The following SH3PXD2B variants were observed in gnomAD, a reference collection of about 807,000 sequenced individuals.
SH3PXD2B encodes SH3 and PX domain-containing protein 2B.
SH3PXD2B carries 37 observed loss-of-function variants against 73.1 expected under a neutral mutation model. That is an observed-to-expected ratio of 0.51 (90% CI 0.39 to 0.67). SH3PXD2B has a LOEUF of 0.67. SH3PXD2B is among the 30% of genes least tolerant of loss of function. SH3PXD2B has a pLI of 0.00. For synonymous variants in SH3PXD2B, 457 were observed against 480.5 expected (o/e 0.95, Z 0.64); for missense variants, 1,053 against 1,197.8 (o/e 0.88, Z 1.78).
chr5:172,430,857 GTTCT>G (rs1337103611), intron 1 of SH3PXD2B, among the ~76,000 whole-genome samples: 147 of 139,704 alleles, frequency 1.1e-3, no homozygotes, highest in Admixed American at 8.6e-4. Flanking sequence ...GTAACCACCT[GTTCT>G]TTCTTTCTTT....
At chr5:172,386,385 A>G (rs1758060911) in intron 4 of SH3PXD2B, among the ~76,000 whole-genome samples, 1 of 152,142 alleles carries the variant, frequency 6.6e-6, no homozygotes, top group Admixed American at 6.5e-5. Context: ...GTTAAATGAC[A>G]ATATCTTGGC....
rs1273207891 is a variant in SH3PXD2B, at chr5:172,333,857, T to C, written c.*4512A>G. 7.8e-7 allele frequency: 1 copy of C among 1,283,936 alleles called. No individual in the cohort carries two copies. The highest frequency in any genetic ancestry group is 1.0e-6 in the Non-Finnish European group (1 of 987,578). The allele number at this position is 1,283,936 out of a possible 1,614,324, so 79.5% of individuals were successfully genotyped here. On this transcript the variant is annotated 3_prime_UTR_variant, in exon 13 of 13. Transcript: ENST00000311601. Reference sequence around the variant, plus strand: ...TAATCAAGGTGGCCACAGTTTATCATCACCCCTCTAAGTGAAAGGGGCGCT... The same window carrying C: ...TAATCAAGGTGGCCACAGTTTATCACCACCCCTCTAAGTGAAAGGGGCGCT...
chr5:172,333,506 T>C lies in SH3PXD2B; in HGVS notation c.*4863A>G. ...ATCCATAGACACTGCATCTTCATGATGAAGCTTGAAACCAGTCAAGCACTT... is the reference window on the plus strand; with the variant it reads ...ATCCATAGACACTGCATCTTCATGACGAAGCTTGAAACCAGTCAAGCACTT... On this transcript the variant is annotated 3_prime_UTR_variant, in exon 13 of 13. Coordinates refer to ENST00000311601, the MANE Select transcript of SH3PXD2B (RefSeq NM_001017995.3). The C allele has an allele frequency of 3.4e-6, 4 of 1,169,424 alleles. No homozygotes were observed. Among genetic ancestry groups the C allele is most frequent in the Non-Finnish European group, 4.3e-6 (4 of 937,484 alleles). The allele number at this position is 1,169,424 out of a possible 1,614,324, so 72.4% of individuals were successfully genotyped here.
At chr5:172,416,683 TCTC>T (rs1758829497) in intron 2 of SH3PXD2B, among the ~76,000 whole-genome samples, 1 of 105,544 alleles carries the variant, frequency 9.5e-6, no homozygotes, top group Non-Finnish European at 1.8e-5. Flanking sequence ...TGTGAGTCTC[TCTC>T]TCTCTCTCTC....
rs748349654 is a variant in SH3PXD2B at position 172,338,826 on chromosome 5, C to T, written c.2279G>A (p.Arg760His). 36 of 1,613,800 alleles carry T rather than the reference C, an allele frequency of 2.2e-5. No individual in the cohort carries two copies. Among genetic ancestry groups the T allele is most frequent in the African/African-American group, 9.3e-5 (7 of 74,916 alleles). Residue 760 changes from arginine to histidine, a missense_variant, in exon 13 of 13, where the codon CGC becomes CAC. Around this residue, in one of 2 missense-constraint regions of SH3PXD2B, gnomAD observed 587 missense variants for 590.7 expected, o/e 0.99. Coordinates refer to ENST00000311601, the MANE Select transcript of SH3PXD2B (RefSeq NM_001017995.3). The surrounding 1 kb of genome is among the most constrained non-coding windows in gnomAD (Gnocchi z 5.1). ...GGTTTTCTTTGGGGGAGGTGGTCTG[C>T]GGGGTGGGACCACAGGTCTCTGCTG... ...APQQRPVVPP[R>H]RPPPPKKTSS...
rs370525113 is a variant in SH3PXD2B, at chr5:172,338,981, G to T, written c.2124C>A (p.Arg708=). ...RSFLPGEGPG[R]AQDRTGKQDG... ...CCTGTTTGCCCGTCCTGTCCTGGGC[G>T]CGGCCAGGCCCCTCTCCTGGGAGGA... Residue 708 remains arginine, a synonymous_variant, in exon 13 of 13, where the codon CGC becomes CGA. Coordinates refer to ENST00000311601, the MANE Select transcript of SH3PXD2B (RefSeq NM_001017995.3). This position sits in a 1 kb window ranked among gnomAD's most constrained non-coding sequence, Gnocchi z 5.1. 1.9e-6 allele frequency: 3 copies of T among 1,614,050 alleles called. No individual in the cohort carries two copies. In the African/African-American group the frequency reaches 4.0e-5, roughly 22 times the overall value.
At chr5:172,348,819 G>A (rs1320731552) in intron 10 of SH3PXD2B, among the ~76,000 whole-genome samples, 18 of 151,912 alleles carry the variant, frequency 1.2e-4, no homozygotes, top group Admixed American at 1.2e-3. Flanking sequence ...TGATCCTCCC[G>A]CCTCAGCCAC....
rs377397105 is a variant in SH3PXD2B at position 172,448,742 on chromosome 5, T to A, written c.75+5536A>T. 3.9e-5 allele frequency among the ~76,000 whole-genome samples: 6 copies of A among 152,356 alleles called. No individual in the cohort carries two copies. The South Asian group carries it at 1.0e-3, about 26-fold the overall frequency. On this transcript the variant is annotated intron_variant, in intron 1 of 12. Transcript: ENST00000311601. ...GAAGTCACTGCACCTATTTTACAAA[T>A]GTAAAAACTAAGGGGGGGCATTCGG...
At chr5:172,420,707 C>T (rs73804835) in intron 2 of SH3PXD2B, among the ~76,000 whole-genome samples, 2,446 of 152,296 alleles carry the variant, frequency 0.016, 60 homozygotes, top group African/African-American at 0.056. Context: ...CCATTGGCTG[C>T]GACATTTCTC....
intron 4 of SH3PXD2B, among the ~76,000 whole-genome samples, chr5:172,390,991 G>A (rs1278473415): frequency 6.6e-6 from 1 of 152,158 alleles, no homozygotes; most frequent in African/African-American, 2.4e-5. Context: ...ACAGGCATGC[G>A]CCACCTCGCC....
At position 172,346,138 on chromosome 5, in the gene SH3PXD2B, C is replaced by T. The variant is rs369123624; in HGVS notation, c.1186G>A (p.Glu396Lys). 9 of 1,613,934 alleles carry T rather than the reference C, an allele frequency of 5.6e-6. No homozygotes were observed. Among genetic ancestry groups the T allele is most frequent in the Admixed American group, 5.0e-5 (3 of 60,002 alleles). ...AAAGGAACACCAGGGCCACTCACCT[C>T]GACCTTCAGGCCTGCCTGGAAGCTG... ...GISFQAGLKV[E>K]VIEKNLSGWW... Residue 396 changes from glutamate to lysine, a missense_variant and splice_region_variant, in exon 12 of 13, where the codon GAG becomes AAG. By Grantham distance (56) the Glu-to-Lys change is moderately conservative. Transcript: ENST00000311601.
intron 2 of SH3PXD2B, among the ~76,000 whole-genome samples, chr5:172,412,910 G>A (rs1758734627): frequency 6.6e-6 from 1 of 152,196 alleles, no homozygotes; most frequent in Non-Finnish European, 1.5e-5. Flanking sequence ...GGGAGAAGGA[G>A]TCACATCAAG....
Position 172,339,898 on chromosome 5 carries a change from T to C in SH3PXD2B, c.1207A>G (p.Ser403Gly), listed in dbSNP as rs866340183. ...TCAATCTGAATGTACCACCAGCCAC[T>C]CAAGTTTTTCTCGATCACCTGCAAG... Reference protein sequence around the residue: ...LKVEVIEKNLSGWWYIQIEDK... With the variant: ...LKVEVIEKNLGGWWYIQIEDK... The change falls in exon 13 of 13, where the codon AGT (serine) becomes GGT (glycine). Residue 403 changes from serine (S) to glycine (G), a missense_variant. By Grantham distance (56) the Ser-to-Gly change is moderately conservative (BLOSUM62 0). This residue lies in a region of SH3PXD2B where 466 missense variants were observed against 607.1 expected (regional missense o/e 0.77). Coordinates refer to ENST00000311601, the MANE Select transcript of SH3PXD2B (RefSeq NM_001017995.3). The surrounding 1 kb of genome is among the most constrained non-coding windows in gnomAD (Gnocchi z 6.1). The C allele has an allele frequency of 1.2e-6, 2 of 1,614,200 alleles. No homozygotes were observed. Among genetic ancestry groups the C allele is most frequent in the Non-Finnish European group, 1.7e-6 (2 of 1,180,032 alleles).
intron 7 of SH3PXD2B, among the ~76,000 whole-genome samples, chr5:172,359,387 C>CAAAAAAAAAAAAAAAA (rs70982393): frequency 3.6e-5 from 3 of 84,088 alleles, no homozygotes; most frequent in African/African-American, 4.8e-5. Context: ...ACCCCCATCT[C>CAAAAAAAAAAAAAAAA]AAAAAAAAAA....
In SH3PXD2B at chr5:172,335,682, CATCA is replaced by C; in HGVS notation, c.*2683_*2686del. 8.1e-7 allele frequency: 1 copy of C among 1,231,758 alleles called. No individual in the cohort carries two copies. Among genetic ancestry groups the C allele is most frequent in the African/African-American group, 1.5e-5 (1 of 64,550 alleles). 76.3% of individuals were successfully genotyped at this position (1,231,758 alleles called of 1,614,324 possible). On this transcript the variant is annotated 3_prime_UTR_variant, in exon 13 of 13. Transcript: ENST00000311601. ...CTCCAGGGGAGTTCTGCATATGCGC[CATCA>C]ATCGCTCACAGAATAGCGACCACAG... is the stretch of plus-strand genomic sequence containing the variant.
At chr5:172,410,111 T>A (rs1758658901) in intron 2 of SH3PXD2B, among the ~76,000 whole-genome samples, 1 of 152,258 alleles carries the variant, frequency 6.6e-6, no homozygotes, top group Non-Finnish European at 1.5e-5. Flanking sequence ...CAACATGGGA[T>A]GTATTATCTC....
At chr5:172,347,419 G>C (rs1030897948) in intron 10 of SH3PXD2B, 87 bp from the exon 11 acceptor site, 66 of 1,396,656 alleles carry the variant, frequency 4.7e-5, no homozygotes, top group South Asian at 3.3e-4. Context: ...TTCTCCTGCA[G>C]AAGATTGAAC....
chr5:172,382,089 A>C lies in SH3PXD2B; in HGVS notation c.348T>G (p.Asp116Glu). Residue 116 changes from aspartate to glutamate, a missense_variant, in exon 5 of 13, where the codon GAT (aspartate) becomes GAG (glutamate). Physicochemically the swap from Asp to Glu is conservative, Grantham distance 45. Around this residue, in one of 2 missense-constraint regions of SH3PXD2B, gnomAD observed 466 missense variants for 607.1 expected, o/e 0.77. Coordinates refer to ENST00000311601, the MANE Select transcript of SH3PXD2B (RefSeq NM_001017995.3). ...TTGTCTCAAAGAACTGCAGCACCTC[A>C]TCACACTGAGAGATGTAGGGGGGCA... Reference protein sequence around the residue: ...IQLPPYISQCDEVLQFFETRP... With the variant: ...IQLPPYISQCEEVLQFFETRP... 6.2e-7 allele frequency: 1 copy of C among 1,612,058 alleles called. No individual in the cohort carries two copies. The highest frequency in any genetic ancestry group is 8.5e-7 in the Non-Finnish European group (1 of 1,179,296).
At chr5:172,331,053 G>A (rs1756544581), downstream of SH3PXD2B, among the ~76,000 whole-genome samples, 1 of 152,164 alleles carries the variant, frequency 6.6e-6, no homozygotes, top group Non-Finnish European at 1.5e-5. Flanking sequence ...AAATTAGCTT[G>A]GCATGGTGGC....
Sources: allele counts gnomAD v4.1 joint callset (sites outside exome capture counted in the v4.1 genomes callset), GRCh38; gene constraint gnomAD v4.1.1; regional missense constraint gnomAD v4.1.1; non-coding constraint Gnocchi (gnomAD v3.1); transcripts MANE v1.5; gene names NCBI Gene and HGNC (gene_info 2026-07-23, HGNC 2026-07-21).